MOB3B: variants seen among roughly 807,000 people sequenced by gnomAD.
The protein encoded by MOB3B is MOB kinase activator-like 2B.
MOB3B carries 7 observed loss-of-function variants against 18.7 expected under a neutral mutation model. The ratio of observed to expected loss-of-function variants is 0.37; its 90% CI spans 0.21 to 0.70. MOB3B has a LOEUF of 0.70. MOB3B is among the 30% of genes least tolerant of loss of function. The probability of loss-of-function intolerance (pLI) is 0.52; values close to 1 mark genes in which losing one functional copy is unlikely to be tolerated. For synonymous variants in MOB3B, 111 were observed against 99.9 expected, an observed-to-expected ratio of 1.11 and a Z score of -0.66; for missense variants, 253 against 281.3, an observed-to-expected ratio of 0.90 and a Z score of 0.72.
intron 2 of MOB3B, among the ~76,000 whole-genome samples, chr9:27,361,799 C>A (rs1186244138): frequency 6.6e-6 from 1 of 152,202 alleles, no homozygotes; most frequent in African/African-American, 2.4e-5. Flanking sequence ...GAGCACTGCT[C>A]ACGGGCTCTG....
intron 2 of MOB3B, among the ~76,000 whole-genome samples, chr9:27,367,265 T>C (rs923934026): frequency 6.6e-6 from 1 of 152,244 alleles, no homozygotes; most frequent in Non-Finnish European, 1.5e-5. Context: ...TGAATTCAAG[T>C]CTGTCTCAGA....
At chr9:27,366,293 C>T (rs916178621) in intron 2 of MOB3B, among the ~76,000 whole-genome samples, 6 of 152,158 alleles carry the variant, frequency 3.9e-5, no homozygotes, top group Non-Finnish European at 8.8e-5. Context: ...TTCTCTGAGG[C>T]CCCATGCAGA....
chr9:27,522,484 T>C (rs1489541399), intron 1 of MOB3B, among the ~76,000 whole-genome samples: 1 of 150,874 alleles, frequency 6.6e-6, no homozygotes, highest in African/African-American at 2.4e-5. Context: ...TATCAGCCTC[T>C]ATATGCAAAT....
chr9:27,343,543 T>C lies in MOB3B; in HGVS notation c.622-12927A>G, dbSNP rs79476919. Reference sequence around the variant, plus strand: ...CTTTCAGAGTATGAGAGGAGACAAGTCCTTTTCTTTCCTTATTCTCAGACT... The same window carrying C: ...CTTTCAGAGTATGAGAGGAGACAAGCCCTTTTCTTTCCTTATTCTCAGACT... On this transcript the variant is annotated intron_variant, in intron 3 of 3. Coordinates refer to ENST00000262244, the MANE Select transcript of MOB3B (RefSeq NM_024761.5). 3.3e-3 allele frequency among the ~76,000 whole-genome samples: 489 copies of C among 148,436 alleles called. 2 individuals carry two copies. The highest frequency in any genetic ancestry group is 0.011 in the African/African-American group (442 of 40,146).
chr9:27,380,172 T>G (rs1821555508), intron 2 of MOB3B, among the ~76,000 whole-genome samples: 1 of 151,996 alleles, frequency 6.6e-6, no homozygotes, highest in Non-Finnish European at 1.5e-5. Context: ...CTTTAGTGCA[T>G]ACCCATTCTC....
intron 1 of MOB3B, among the ~76,000 whole-genome samples, chr9:27,503,194 G>C (rs1188092931): frequency 6.6e-6 from 1 of 152,150 alleles, no homozygotes; most frequent in African/African-American, 2.4e-5. Context: ...AAGAAAAAAG[G>C]AGGGAAAGGG....
chr9:27,410,353 G>C (rs748616033), intron 2 of MOB3B, among the ~76,000 whole-genome samples: 1 of 152,158 alleles, frequency 6.6e-6, no homozygotes, highest in Non-Finnish European at 1.5e-5. Flanking sequence ...CAAGTGTAAT[G>C]AATTCAGTCT....
chr9:27,500,248 T>C (rs184507756), intron 1 of MOB3B, among the ~76,000 whole-genome samples: 52 of 152,282 alleles, frequency 3.4e-4, no homozygotes, highest in African/African-American at 1.2e-3. Context: ...CTGTGACTTA[T>C]AGATATATAA....
chr9:27,396,564 A>G (rs1486849796), intron 2 of MOB3B, among the ~76,000 whole-genome samples: 1 of 152,034 alleles, frequency 6.6e-6, no homozygotes, highest in African/African-American at 2.4e-5. Flanking sequence ...TTCTAATCAT[A>G]TTTCCTTACT....
intron 1 of MOB3B, among the ~76,000 whole-genome samples, chr9:27,499,813 G>A (rs555540397): frequency 1.4e-4 from 22 of 151,990 alleles, no homozygotes; most frequent in Admixed American, 1.2e-3. Flanking sequence ...TCTGAACTTT[G>A]GGACAATCAC....
At chr9:27,355,868 A>G (rs73433039) in intron 3 of MOB3B, among the ~76,000 whole-genome samples, 4,799 of 152,276 alleles carry the variant, frequency 0.032, 214 homozygotes, top group African/African-American at 0.095. Context: ...AGTTGTATAT[A>G]TAGAGTATCA....
intron 1 of MOB3B, among the ~76,000 whole-genome samples, chr9:27,466,763 T>G (rs530286072): frequency 6.6e-6 from 1 of 152,202 alleles, no homozygotes; most frequent in Non-Finnish European, 1.5e-5. Context: ...ACTTATTCAC[T>G]ATCACAAGAA....
intron 2 of MOB3B, among the ~76,000 whole-genome samples, chr9:27,449,488 G>A (rs1027590961): frequency 6.6e-6 from 1 of 152,118 alleles, no homozygotes; most frequent in Non-Finnish European, 1.5e-5. Context: ...GTTTACAAAC[G>A]AATGGAAACT....
chr9:27,417,588 T>C (rs1430189578), intron 2 of MOB3B, among the ~76,000 whole-genome samples: 3 of 152,134 alleles, frequency 2.0e-5, no homozygotes, highest in African/African-American at 7.2e-5. Context: ...AAACACTTTC[T>C]AAGCCTCTCA....
chr9:27,524,577 A>C, intron 1 of MOB3B: 2 of 1,614,150 alleles, frequency 1.2e-6, no homozygotes, highest in Middle Eastern at 3.3e-4. Context: ...ACCTATGAAG[A>C]GGGACATCAA....
intron 1 of MOB3B, among the ~76,000 whole-genome samples, chr9:27,469,551 T>A (rs887638322): frequency 5.9e-5 from 9 of 152,204 alleles, no homozygotes; most frequent in African/African-American, 2.2e-4. Context: ...CTGACAGGAT[T>A]GTACAGCAGG....
intron 2 of MOB3B, among the ~76,000 whole-genome samples, chr9:27,454,726 T>C (rs1182455168): frequency 6.6e-6 from 1 of 152,248 alleles, no homozygotes; most frequent in South Asian, 2.1e-4. Context: ...AACAAATCTA[T>C]GAATTCTCAC....
rs564704161 is a variant in MOB3B, at chr9:27,400,843, A to G, written c.419-41607T>C. ...GATGCTTTCTAGTCCTTCTTTTAGC[A>G]TTTCTTCAAGGAGAGAATATTAAAT... On this transcript the variant is annotated intron_variant, in intron 2 of 3. Transcript: ENST00000262244. Among the ~76,000 whole-genome samples, 12 of 152,316 alleles carry G rather than the reference A, an allele frequency of 7.9e-5. No homozygotes were observed. The South Asian group carries it at 2.1e-3, about 26-fold the overall frequency.
chr9:27,425,385 A>AAAAAAAAC (rs1554648746), intron 2 of MOB3B, among the ~76,000 whole-genome samples: 2 of 145,162 alleles, frequency 1.4e-5, no homozygotes, highest in African/African-American at 5.1e-5. Context: ...AAAAAAAAAA[A>AAAAAAAAC]AAAACAAAAC....
Sources: allele counts gnomAD v4.1 joint callset (sites outside exome capture counted in the v4.1 genomes callset), GRCh38; gene constraint gnomAD v4.1.1; transcripts MANE v1.5; gene names NCBI Gene and HGNC (gene_info 2026-07-23, HGNC 2026-07-21).